Variants in TMEM176B observed in about 807,000 individuals in gnomAD.
TMEM176B encodes transmembrane protein 176B.
In TMEM176B, 28 loss-of-function variants were observed where a neutral mutation model predicts 30.3. The ratio of observed to expected loss-of-function variants is 0.92; its 90% CI spans 0.68 to 1.27. The LOEUF is 1.27. Ranked by LOEUF, TMEM176B falls within the 50% of genes most tolerant of loss-of-function variation. TMEM176B has a pLI of 0.00. For synonymous variants in TMEM176B, 123 were observed against 130.3 expected, an observed-to-expected ratio of 0.94 and a Z score of 0.38; for missense variants, 349 against 327.4, an observed-to-expected ratio of 1.07 and a Z score of -0.51.
intron 1 of TMEM176B, among the ~76,000 whole-genome samples, chr7:150,799,507 C>T (rs1798676351): frequency 6.6e-6 from 1 of 152,272 alleles, no homozygotes; most frequent in South Asian, 2.1e-4. Flanking sequence ...AATGGACATC[C>T]TGGCTAAGTA....
Position 150,796,529 on chromosome 7 carries a change from G to A in TMEM176B, c.41C>T (p.Ala14Val). ...GTGGGTGGGCTGGGATGGCCTAGAG[G>A]CCATAGCAACTCCATTCACAATCAC... Reference protein sequence around the residue: ...NTVIVNGVAMASRPSQPTHVN... With the variant: ...NTVIVNGVAMVSRPSQPTHVN... Residue 14 changes from alanine to valine, a missense_variant, in exon 2 of 7, where the codon GCC becomes GTC. Ala to Val is a moderately conservative substitution (Grantham distance 64, BLOSUM62 0). Coordinates refer to ENST00000326442, the MANE Select transcript of TMEM176B (RefSeq NM_001101312.2). 1 of 1,614,210 alleles carries A rather than the reference G, an allele frequency of 6.2e-7. No homozygotes were observed. Among genetic ancestry groups the A allele is most frequent in the South Asian group, 1.1e-5 (1 of 91,084 alleles).
In TMEM176B at chr7:150,793,603, G is replaced by T. The variant is rs1412633722; in HGVS notation, c.316-3C>A. 1 of 1,613,192 alleles carries T rather than the reference G, an allele frequency of 6.2e-7. No individual in the cohort carries two copies. Among genetic ancestry groups the T allele is most frequent in the Non-Finnish European group, 8.5e-7 (1 of 1,179,574 alleles). On this transcript the variant is annotated splice_polypyrimidine_tract_variant and splice_region_variant and intron_variant, in intron 3 of 6. Coordinates refer to ENST00000326442, the MANE Select transcript of TMEM176B (RefSeq NM_001101312.2). ...GCCCCAGCTCCTGCTGCGATCACCT[G>T]AAAAGAGACACCAGAAAAAGGCCTC... is the stretch of plus-strand genomic sequence containing the variant.
At chr7:150,793,898 T>A in intron 3 of TMEM176B, 63 bp downstream of exon 3, 2 of 1,396,768 alleles carry the variant, frequency 1.4e-6, no homozygotes, top group Non-Finnish European at 2.0e-6. Context: ...CCAAGATCCA[T>A]AAGCGCCTTC....
At chr7:150,800,745 G>T (rs1297757661), upstream of TMEM176B, 1 of 47,840 alleles carries the variant, frequency 2.1e-5, no homozygotes, top group Non-Finnish European at 4.6e-5. Flanking sequence ...TCCCCTCCCC[G>T]CCTCCCCCTC....
rs556592934 is a variant in TMEM176B at position 150,794,151 on chromosome 7, C to G, written c.205-80G>C. ...TGCCCTGGGACCAGCTGCCTGGCTC[C>G]TACCTAGGTGGCTCTCCTCTCCTTT... On this transcript the variant is annotated intron_variant, in intron 2 of 6. Transcript: ENST00000326442. 178 of 1,072,342 alleles carry G rather than the reference C, an allele frequency of 1.7e-4. No homozygotes were observed. In the African/African-American group the frequency reaches 2.5e-3, roughly 15 times the overall value. 66.4% of individuals were successfully genotyped at this position (1,072,342 alleles called of 1,614,324 possible).
At position 150,791,550 on chromosome 7, in the gene TMEM176B, G is replaced by A. The variant is rs1798304868; in HGVS notation, c.794C>T (p.Ser265Phe). 5.6e-6 allele frequency: 9 copies of A among 1,613,910 alleles called. No individual in the cohort carries two copies. The highest frequency in any genetic ancestry group is 7.6e-6 in the Non-Finnish European group (9 of 1,179,992). ...VPPSPSREQT[S>F]TAIVL ...GGCAGCTCACAGGACAATGGCAGTG[G>A]AGGTCTGCTCCCTAGAGGGCGAAGG... Residue 265 changes from serine (S) to phenylalanine (F), a missense_variant, in exon 7 of 7, where the codon TCC (serine) becomes TTC (phenylalanine). Coordinates refer to ENST00000326442, the MANE Select transcript of TMEM176B (RefSeq NM_001101312.2).
chr7:150,793,214 T>A lies in TMEM176B; in HGVS notation c.474A>T (p.Leu158Phe), dbSNP rs1160731873. Residue 158 changes from leucine to phenylalanine, a missense_variant, in exon 5 of 7, where the codon TTA (leucine) becomes TTT (phenylalanine). Leu to Phe is a conservative substitution (Grantham distance 22, BLOSUM62 0). Coordinates refer to ENST00000326442, the MANE Select transcript of TMEM176B (RefSeq NM_001101312.2). Reference protein sequence around the residue: ...NSFIWQTEPFLYIDTVCDRSD... With the variant: ...NSFIWQTEPFFYIDTVCDRSD... ...AGCGATCACACACAGTGTCGATGTA[T>A]AAAAAGGGTTCAGTTTGCCAGATGA... The A allele has an allele frequency of 2.5e-6, 4 of 1,614,138 alleles. No homozygotes were observed. Among genetic ancestry groups the A allele is most frequent in the Non-Finnish European group, 3.4e-6 (4 of 1,180,034 alleles).
rs150163529 is a variant in TMEM176B, at chr7:150,792,348, C to T, written c.601-173G>A. Among the ~76,000 whole-genome samples the T allele has an allele frequency of 1.5e-4, 23 of 152,306 alleles. No homozygotes were observed. The East Asian group carries it at 4.1e-3, about 27-fold the overall frequency. On this transcript the variant is annotated intron_variant, in intron 5 of 6. Transcript: ENST00000326442. ...CCCGTTGGCTTGTCTGCAGAGTGAACTTATCACTCCCTGTCAAGAAGTGGA... is the reference window on the plus strand; with the variant it reads ...CCCGTTGGCTTGTCTGCAGAGTGAATTTATCACTCCCTGTCAAGAAGTGGA...
At position 150,791,629 on chromosome 7, in the gene TMEM176B, AAAAAAAG is replaced by A. The variant is rs1281870118; in HGVS notation, c.721-13_721-7del. On this transcript the variant is annotated splice_polypyrimidine_tract_variant and splice_region_variant and intron_variant, in intron 6 of 6. Coordinates refer to ENST00000326442, the MANE Select transcript of TMEM176B (RefSeq NM_001101312.2). The stretch of plus-strand genomic sequence containing the variant: ...TTCTCTGATCCTTCCTCATTCTGGA[AAAAAAAG>A]AAAAAAGAAATCCTTAGGGGAAAAG... 6.2e-7 allele frequency: 1 copy of A among 1,612,540 alleles called. No homozygotes were observed. Among genetic ancestry groups the A allele is most frequent in the Non-Finnish European group, 8.5e-7 (1 of 1,179,166 alleles).
upstream of TMEM176B, chr7:150,801,162 C>A: frequency 4.5e-6 from 1 of 220,918 alleles, no homozygotes; most frequent in Non-Finnish European, 7.9e-6. Context: ...AGGACTCGGT[C>A]CTGTCCCAGA....
At chr7:150,792,282 C>T (rs1310741951) in intron 5 of TMEM176B, 107 bp from the exon 6 acceptor site, 74 of 1,446,750 alleles carry the variant, frequency 5.1e-5, no homozygotes, top group Non-Finnish European at 6.6e-5. Flanking sequence ...CAGCTTGCTG[C>T]TCCCACCACA....
chr7:150,797,494 A>G (rs1798574275), intron 1 of TMEM176B, among the ~76,000 whole-genome samples: 1 of 152,200 alleles, frequency 6.6e-6, no homozygotes, highest in East Asian at 1.9e-4. Flanking sequence ...AAATGGGGAG[A>G]CTTACATAAT....
In TMEM176B at chr7:150,793,281, A is replaced by T; in HGVS notation, c.407T>A (p.Phe136Tyr). Residue 136 changes from phenylalanine to tyrosine, a missense_variant, in exon 5 of 7, where the codon TTT (phenylalanine) becomes TAT (tyrosine). Coordinates refer to ENST00000326442, the MANE Select transcript of TMEM176B (RefSeq NM_001101312.2). ...GACAACAGCAGCCATAGCTGTAGCA[A>T]AGCCTGCCAGGGTGAGCAGGCTGGA... ...YISSLLTLAG[F>Y]ATAMAAVVLC... 6.2e-7 allele frequency: 1 copy of T among 1,614,170 alleles called. No homozygotes were observed. Among genetic ancestry groups the T allele is most frequent in the Non-Finnish European group, 8.5e-7 (1 of 1,180,032 alleles).
rs765589243 is a variant in TMEM176B, at chr7:150,793,584, G to C, written c.332C>G (p.Ala111Gly). 5 of 1,613,578 alleles carry C rather than the reference G, an allele frequency of 3.1e-6. No homozygotes were observed. The highest frequency in any genetic ancestry group is 4.2e-6 in the Non-Finnish European group (5 of 1,179,800). ...GTGCTTCTCATGGACAATGGCCCCA[G>C]CTCCTGCTGCGATCACCTGAAAAGA... Reference protein sequence around the residue: ...WAGSVVIAAGAGAIVHEKHPG... With the variant: ...WAGSVVIAAGGGAIVHEKHPG... The change falls in exon 4 of 7, where the codon GCT becomes GGT. Residue 111 changes from alanine (A) to glycine (G), a missense_variant. Ala to Gly is a moderately conservative substitution (Grantham distance 60, BLOSUM62 0). Coordinates refer to ENST00000326442, the MANE Select transcript of TMEM176B (RefSeq NM_001101312.2).
chr7:150,793,381 C>A (rs770695884), intron 4 of TMEM176B, 66 bp from the exon 5 acceptor site: 20 of 1,531,446 alleles, frequency 1.3e-5, no homozygotes, highest in Non-Finnish European at 1.7e-5. Context: ...AGGTCCCCGC[C>A]TCAAATCCCT....
chr7:150,796,575 C>T lies in TMEM176B; in HGVS notation c.-5-1G>A. 1.2e-6 allele frequency: 2 copies of T among 1,613,610 alleles called. No homozygotes were observed. Among genetic ancestry groups the T allele is most frequent in the Non-Finnish European group, 8.5e-7 (1 of 1,180,026 alleles). On this transcript the variant is annotated splice_acceptor_variant, in intron 1 of 6. Transcript: ENST00000326442. LOFTEE classifies it low-confidence loss of function (5UTR_SPLICE). ...ATCACCGTGTTTTGCGTCATCCTGC[C>T]TGCCAGGGAGAAGACATATAGCAGT...
At chr7:150,795,189 TC>T (rs1798479427) in intron 2 of TMEM176B, among the ~76,000 whole-genome samples, 1 of 152,152 alleles carries the variant, frequency 6.6e-6, no homozygotes, top group South Asian at 2.1e-4. Context: ...TGAGGCAGGT[TC>T]CTGCTCAGAA....
intron 1 of TMEM176B, among the ~76,000 whole-genome samples, chr7:150,797,920 A>G (rs1563039660): frequency 6.6e-6 from 1 of 152,186 alleles, no homozygotes; most frequent in Non-Finnish European, 1.5e-5. Context: ...CGCATTTGCA[A>G]TTTTAGTAGA....
At chr7:150,796,733 T>C in intron 1 of TMEM176B, 159 bp from the exon 2 acceptor site, 1 of 698,206 alleles carries the variant, frequency 1.4e-6, no homozygotes, top group Non-Finnish European at 2.4e-6. Context: ...CTGAGGTGGG[T>C]GGATTACCTG....
Sources: gnomAD v4.1 joint callset for allele counts (sites outside exome capture counted in the v4.1 genomes callset) on GRCh38, gnomAD v4.1.1 for gene constraint, MANE v1.5 for transcripts, NCBI Gene and HGNC (gene_info 2026-07-23, HGNC 2026-07-21) for gene names.